The following ATP2B2 variants were observed in gnomAD, a reference collection of about 807,000 sequenced individuals.
The protein encoded by ATP2B2 is plasma membrane calcium-transporting ATPase 2.
Under a neutral mutation model 120.0 loss-of-function variants are expected in ATP2B2, and 15 were observed. The observed-to-expected ratio is 0.12, with a 90% CI of 0.08 to 0.19. ATP2B2 has a LOEUF of 0.19. Ranked by LOEUF, ATP2B2 falls within the 10% of genes least tolerant of loss-of-function variation. The probability of loss-of-function intolerance (pLI) is 1.00; values close to 1 mark genes in which losing one functional copy is unlikely to be tolerated. For missense variants in ATP2B2, 1,045 were observed against 1,719.8 expected (o/e 0.61, Z 6.94); for synonymous variants, 694 against 700.3 (o/e 0.99, Z 0.14).
intron 8 of ATP2B2, 144 bp from the exon 9 acceptor site, chr3:10,379,428 T>C: frequency 1.0e-6 from 1 of 955,626 alleles, no homozygotes; most frequent in Admixed American, 2.0e-5. Flanking sequence ...GGGATACGGG[T>C]TGGGGAGGGC....
At position 10,347,753 on chromosome 3, in the gene ATP2B2, CG is replaced by C. The variant is rs557160387; in HGVS notation, c.2405-1617del. On this transcript the variant is annotated intron_variant, in intron 16 of 22. Coordinates refer to ENST00000360273, the MANE Select transcript of ATP2B2 (RefSeq NM_001001331.4). The surrounding 1 kb of genome is among the most constrained non-coding windows in gnomAD (Gnocchi z 5.2). ...GGCTCCCAGGTGGTGCGGACCGTTGCGTAGCTCAAGCTGTGCGGAAAGCTGG... is the reference window on the plus strand; with the variant it reads ...GGCTCCCAGGTGGTGCGGACCGTTGCTAGCTCAAGCTGTGCGGAAAGCTGG... Among the ~76,000 whole-genome samples the C allele has an allele frequency of 1.7e-4, 26 of 152,322 alleles. No individual in the cohort carries two copies. The South Asian group carries it at 2.9e-3, about 17-fold the overall frequency.
rs148043488 is a variant in ATP2B2 at position 10,495,163 on chromosome 3, G to A, written c.-320+10302C>T. 6.6e-5 allele frequency among the ~76,000 whole-genome samples: 10 copies of A among 152,308 alleles called. No homozygotes were observed. The East Asian group carries it at 7.7e-4, about 12-fold the overall frequency. ...TCAAGGACACCCTGAACTTGTCCCC[G>A]TGGGCAGTTGCATTGGGACATGGGC... On this transcript the variant is annotated intron_variant, in intron 1 of 22. Transcript: ENST00000360273.
chr3:10,366,950 G>GA (rs1232942192), intron 12 of ATP2B2, among the ~76,000 whole-genome samples: 1 of 152,182 alleles, frequency 6.6e-6, no homozygotes, highest in African/African-American at 2.4e-5. Flanking sequence ...AGAATGGAAA[G>GA]AAAAAAGGCT....
At chr3:10,608,032 AT>A (rs1178971791) in intron 2 of ATP2B2, among the ~76,000 whole-genome samples, 1 of 152,186 alleles carries the variant, frequency 6.6e-6, no homozygotes, top group East Asian at 1.9e-4. Flanking sequence ...CTTTGAAATC[AT>A]CCCTGACACT....
At chr3:10,337,179 G>A (rs1014187216) in intron 22 of ATP2B2, among the ~76,000 whole-genome samples, 9 of 152,270 alleles carry the variant, frequency 5.9e-5, no homozygotes, top group Non-Finnish European at 1.2e-4. Flanking sequence ...ACCTCCCAGG[G>A]CTGTGAAGGT....
chr3:10,338,807 C>T, intron 21 of ATP2B2: 1 of 246,784 alleles, frequency 4.1e-6, no homozygotes, highest in Non-Finnish European at 8.0e-6. Flanking sequence ...TCTAACTCGT[C>T]CTGCATGAGC....
chr3:10,343,394 G>A lies in ATP2B2; in HGVS notation c.2704-429C>T, dbSNP rs190523529. On this transcript the variant is annotated intron_variant, in intron 18 of 22. Coordinates refer to ENST00000360273, the MANE Select transcript of ATP2B2 (RefSeq NM_001001331.4). This position sits in a 1 kb window ranked among gnomAD's most constrained non-coding sequence, Gnocchi z 4.2. ...GCTTTCTATCCTACAAACAGTGCCCGTCCCCCACCCCCCCAATGTCTCCTC... is the reference window on the plus strand; with the variant it reads ...GCTTTCTATCCTACAAACAGTGCCCATCCCCCACCCCCCCAATGTCTCCTC... Among the ~76,000 whole-genome samples the A allele has an allele frequency of 4.5e-4, 32 of 71,668 alleles. No homozygotes were observed. In the Admixed American group the frequency reaches 4.6e-3, roughly 10 times the overall value. The allele number at this position is 71,668 out of a possible 152,430, so 47.0% of individuals were successfully genotyped here.
At chr3:10,401,192 A>G (rs1225865220) in intron 4 of ATP2B2, 114 bp from the exon 5 acceptor site, 1 of 1,404,490 alleles carries the variant, frequency 7.1e-7, no homozygotes, top group Non-Finnish European at 9.7e-7. Flanking sequence ...CAGAATGCCT[A>G]GAGCTCCCAG....
At position 10,328,853 on chromosome 3, in the gene ATP2B2, A is replaced by C; in HGVS notation, c.3693T>G (p.Ser1231Arg). The change falls in exon 23 of 23, where the codon AGT becomes AGG. Residue 1231 changes from serine to arginine, a missense_variant. This residue lies in a region of ATP2B2 where 211 missense variants were observed against 385.1 expected (regional missense o/e 0.55). Coordinates refer to ENST00000360273, the MANE Select transcript of ATP2B2 (RefSeq NM_001001331.4). ...CCAGGCTGTGGATGGGGCTCCCTGG[A>C]CTTGAAGAGGTAGCTGATTTGCTTG... is the stretch of plus-strand genomic sequence containing the variant. ...TDTSKSATSS[S>R]PGSPIHSLET... The C allele has an allele frequency of 1.2e-6, 2 of 1,613,432 alleles. No homozygotes were observed. The highest frequency in any genetic ancestry group is 1.7e-6 in the Non-Finnish European group (2 of 1,179,648).
chr3:10,388,120 T>G, intron 6 of ATP2B2, 157 bp downstream of exon 6: 1 of 1,035,606 alleles, frequency 9.7e-7, no homozygotes. Flanking sequence ...AGAGCCTACC[T>G]GGCCCATGCA....
At chr3:10,647,949 A>C (rs1402857896) in intron 1 of ATP2B2, among the ~76,000 whole-genome samples, 2 of 152,202 alleles carry the variant, frequency 1.3e-5, no homozygotes, top group African/African-American at 4.8e-5. Flanking sequence ...TCATCTTCTG[A>C]TTCCAGGCTG....
At chr3:10,414,256 G>A (rs575149512) in intron 2 of ATP2B2, among the ~76,000 whole-genome samples, 8 of 152,274 alleles carry the variant, frequency 5.3e-5, no homozygotes, top group Non-Finnish European at 8.8e-5. Context: ...CAGAAGTTCC[G>A]GAGTCCACAG....
intron 12 of ATP2B2, among the ~76,000 whole-genome samples, chr3:10,364,723 T>A (rs144604560): frequency 0.011 from 1,707 of 151,392 alleles, 32 homozygotes; most frequent in African/African-American, 0.039. Flanking sequence ...GGAAAAAAAA[T>A]AATAATAATA....
In ATP2B2 at chr3:10,467,845, C is replaced by T. The variant is rs758049364; in HGVS notation, c.-319-17983G>A. 3.7e-4 allele frequency among the ~76,000 whole-genome samples: 56 copies of T among 152,178 alleles called. 1 individual carries two copies. Among genetic ancestry groups the T allele is most frequent in the Non-Finnish European group, 8.8e-5 (6 of 68,034 alleles). ...AGCAAAGTTTTATAACCACCCCCTGCTGCTCCTTGTCTCCACCTTTTCCCC... is the reference window on the plus strand; with the variant it reads ...AGCAAAGTTTTATAACCACCCCCTGTTGCTCCTTGTCTCCACCTTTTCCCC... On this transcript the variant is annotated intron_variant, in intron 1 of 22. Transcript: ENST00000360273.
intron 12 of ATP2B2, 75 bp from the exon 13 acceptor site, chr3:10,360,198 G>C: frequency 6.6e-7 from 1 of 1,511,088 alleles, no homozygotes; most frequent in African/African-American, 1.4e-5. Flanking sequence ...TGCCACTGAG[G>C]CTCTGGGACT....
At chr3:10,496,857 G>A (rs1349169946) in intron 1 of ATP2B2, among the ~76,000 whole-genome samples, 1 of 152,216 alleles carries the variant, frequency 6.6e-6, no homozygotes, top group Admixed American at 6.5e-5. Context: ...GTCATGGCTG[G>A]CTGCACCCAG....
chr3:10,560,411 C>T (rs542507805), intron 2 of ATP2B2, among the ~76,000 whole-genome samples: 9 of 152,326 alleles, frequency 5.9e-5, no homozygotes, highest in African/African-American at 1.9e-4. Context: ...GTAATCAGAA[C>T]ACCAAAGGAA....
chr3:10,525,334 T>C (rs1339500342), intron 3 of ATP2B2, among the ~76,000 whole-genome samples: 1 of 152,244 alleles, frequency 6.6e-6, no homozygotes, highest in Non-Finnish European at 1.5e-5. Context: ...GGGCCTCAGT[T>C]TCCTTATCTG....
In ATP2B2 at chr3:10,653,304, T is replaced by A. The variant is rs28378626; in HGVS notation, c.-459-33343A>T. On this transcript the variant is annotated intron_variant, in intron 1 of 21. Transcript: ENST00000646379. The stretch of plus-strand genomic sequence containing the variant: ...AGCCACTCTTATCTGCTGCAGCCCA[T>A]CACCTCATCCTGGAAACATTGTTTC... 3.8e-4 allele frequency among the ~76,000 whole-genome samples: 58 copies of A among 152,254 alleles called. 4 individuals carry two copies. In the South Asian group the frequency reaches 0.011, roughly 30 times the overall value.
Sources: allele counts gnomAD v4.1 joint callset (sites outside exome capture counted in the v4.1 genomes callset), GRCh38; gene constraint gnomAD v4.1.1; regional missense constraint gnomAD v4.1.1; non-coding constraint Gnocchi (gnomAD v3.1); transcripts MANE v1.5; gene names NCBI Gene and HGNC (gene_info 2026-07-23, HGNC 2026-07-21).